The following SYDE1 variants were observed in gnomAD, a reference collection of about 807,000 sequenced individuals.
The protein encoded by SYDE1 is synapse defective Rho GTPase activating protein 1.
In SYDE1, 34 loss-of-function variants were observed where a neutral mutation model predicts 63.3. The observed-to-expected ratio is 0.54, with a 90% CI of 0.41 to 0.71. The LOEUF is 0.71. Among genes scored for constraint, SYDE1 ranks in the 30% least tolerant of loss-of-function variants. The probability of loss-of-function intolerance (pLI) is 0.00; values close to 1 mark genes in which losing one functional copy is unlikely to be tolerated. For synonymous variants in SYDE1, 467 were observed against 473.4 expected (o/e 0.99, Z 0.18); for missense variants, 925 against 1,042.5 (o/e 0.89, Z 1.55).
In SYDE1 at chr19:15,113,943, C is replaced by T; in HGVS notation, c.2188C>T (p.Gln730Ter). Reference protein sequence around the residue: ...ILDLERELSKQINVCL With the variant: ...ILDLERELSK ...GGATCTGGAGAGAGAGCTCTCCAAG[C>T]AAATCAACGTGTGCCTCTGAGCCAG... The change falls in exon 8 of 8, where the codon CAA (glutamine) becomes TAA (stop). Residue 730 changes from glutamine to a stop codon, truncating the protein, a stop_gained. Transcript: ENST00000342784. LOFTEE classifies it high-confidence loss of function. 5 of 1,612,698 alleles carry T rather than the reference C, an allele frequency of 3.1e-6. No homozygotes were observed. The highest frequency in any genetic ancestry group is 4.2e-6 in the Non-Finnish European group (5 of 1,179,090).
Position 15,112,509 on chromosome 19 carries a change from C to T in SYDE1, c.1742C>T (p.Ala581Val), listed in dbSNP as rs770897523. 16 of 1,606,274 alleles carry T rather than the reference C, an allele frequency of 1.0e-5. No individual in the cohort carries two copies. The highest frequency in any genetic ancestry group is 1.1e-5 in the South Asian group (1 of 89,394). The stretch of plus-strand genomic sequence containing the variant: ...GCCCGCAGCTCCGGCCCAGGCCTTG[C>T]CAGTGCAGTGGACTTCAAGCACCAC... ...PRARSSGPGL[A>V]SAVDFKHHIE... is the part of the protein sequence containing the mutation. The change falls in exon 7 of 8, where the codon GCC becomes GTC. Residue 581 changes from alanine to valine, a missense_variant. Physicochemically the swap from Ala to Val is moderately conservative, Grantham distance 64 (BLOSUM62 0). Around this residue, in one of 3 missense-constraint regions of SYDE1, gnomAD observed 255 missense variants for 255.9 expected, o/e 1.00. Coordinates refer to ENST00000342784, the MANE Select transcript of SYDE1 (RefSeq NM_033025.6).
chr19:15,113,015 C>T (rs2046355175), intron 7 of SYDE1, among the ~76,000 whole-genome samples: 1 of 152,150 alleles, frequency 6.6e-6, no homozygotes, highest in Non-Finnish European at 1.5e-5. Context: ...AGGGATTCTC[C>T]CACCTCAGCC....
rs765802252 is a variant in SYDE1, at chr19:15,112,561, G to C, written c.1794G>C (p.Gln598His). 25 of 1,578,632 alleles carry C rather than the reference G, an allele frequency of 1.6e-5. No homozygotes were observed. In the African/African-American group the frequency reaches 3.4e-4, roughly 21 times the overall value. The part of the protein sequence containing the change: ...HHIEVLHYLL[Q>H]SWPDPRLPRQ... ...TCGAGGTGCTGCACTACCTGCTGCA[G>C]TCTTGGCCAGGTGAGTTCATGCCCA... Residue 598 changes from glutamine to histidine, a missense_variant, in exon 7 of 8, where the codon CAG becomes CAC. This residue lies in a region of SYDE1 where 255 missense variants were observed against 255.9 expected (regional missense o/e 1.00). Transcript: ENST00000342784.
chr19:15,110,413 G>C lies in SYDE1; in HGVS notation c.1075+65G>C. The C allele has an allele frequency of 6.9e-7, 1 of 1,454,858 alleles. No individual in the cohort carries two copies. Among genetic ancestry groups the C allele is most frequent in the Middle Eastern group, 1.8e-4 (1 of 5,540 alleles). The allele number at this position is 1,454,858 out of a possible 1,614,324, so 90.1% of individuals were successfully genotyped here. ...CCAAACCCCACCGCCACCCCCCGCA[G>C]AGTGCCTAGGGGGCTGGGCTCCGGG... On this transcript the variant is annotated intron_variant, in intron 3 of 7. Coordinates refer to ENST00000342784, the MANE Select transcript of SYDE1 (RefSeq NM_033025.6). The surrounding 1 kb of genome is among the most constrained non-coding windows in gnomAD (Gnocchi z 6.9).
Position 15,109,066 on chromosome 19 carries a change from C to G in SYDE1, c.99C>G (p.Ala33=), listed in dbSNP as rs1232480338. ...CTTGCTCTCTGCCAGGCCACCCAGC[C>G]CAGCGCCCAGAGCCCAGCCCTCCAG... is the stretch of plus-strand genomic sequence containing the variant. The part of the protein sequence containing the change: ...KSDAKERGHP[A]QRPEPSPPEP... Residue 33 remains alanine (A), a synonymous_variant, in exon 2 of 8, where the codon GCC becomes GCG. Transcript: ENST00000342784. The surrounding 1 kb of genome is among the most constrained non-coding windows in gnomAD (Gnocchi z 5.0). 6.7e-7 allele frequency: 1 copy of G among 1,500,064 alleles called. No individual in the cohort carries two copies. Among genetic ancestry groups the G allele is most frequent in the Admixed American group, 2.4e-5 (1 of 42,444 alleles). The allele number at this position is 1,500,064 out of a possible 1,614,324, so 92.9% of individuals were successfully genotyped here.
chr19:15,110,422 G>C lies in SYDE1; in HGVS notation c.1075+74G>C. 1 of 1,473,016 alleles carries C rather than the reference G, an allele frequency of 6.8e-7. No individual in the cohort carries two copies. Among genetic ancestry groups the C allele is most frequent in the Non-Finnish European group, 9.0e-7 (1 of 1,108,378 alleles). 91.2% of individuals were successfully genotyped at this position (1,473,016 alleles called of 1,614,324 possible). A position where few individuals can be genotyped will look rare whatever the true frequency, so the allele number is the denominator to read the frequency against. On this transcript the variant is annotated intron_variant, in intron 3 of 7. Transcript: ENST00000342784. The surrounding 1 kb of genome is among the most constrained non-coding windows in gnomAD (Gnocchi z 6.9). ...ACCGCCACCCCCCGCAGAGTGCCTA[G>C]GGGGCTGGGCTCCGGGCGGAAGGTG...
chr19:15,113,525 C>A lies in SYDE1; in HGVS notation c.1805-35C>A, dbSNP rs757147657. On this transcript the variant is annotated intron_variant, in intron 7 of 7. Coordinates refer to ENST00000342784, the MANE Select transcript of SYDE1 (RefSeq NM_033025.6). The stretch of plus-strand genomic sequence containing the variant: ...AAGCAGCCAATCAGAGGTCGGCTGT[C>A]GCCTCTTTCTATGACCTACCCTGTC... The A allele has an allele frequency of 1.0e-5, 15 of 1,507,144 alleles. No homozygotes were observed. The African/African-American group carries it at 2.0e-4, about 20-fold the overall frequency. The allele number at this position is 1,507,144 out of a possible 1,614,324, so 93.4% of individuals were successfully genotyped here.
rs769911083 is a variant in SYDE1, at chr19:15,113,992, G to GT, written c.*30dup. 6.3e-6 allele frequency: 10 copies of GT among 1,590,720 alleles called. No individual in the cohort carries two copies. The South Asian group carries it at 1.1e-4, about 18-fold the overall frequency. On this transcript the variant is annotated 3_prime_UTR_variant, in exon 8 of 8. Coordinates refer to ENST00000342784, the MANE Select transcript of SYDE1 (RefSeq NM_033025.6). ...AGATGACGGGGTGGGACCCCGGTTA[G>GT]TAAGGACCGGGCGCCCAGTGGCTAA... is the stretch of plus-strand genomic sequence containing the variant.
chr19:15,111,908 A>G lies in SYDE1; in HGVS notation c.1578+116A>G, dbSNP rs2145328269. The G allele has an allele frequency of 9.4e-7, 1 of 1,064,664 alleles. No individual in the cohort carries two copies. The highest frequency in any genetic ancestry group is 2.6e-5 in the East Asian group (1 of 38,130). 66.0% of individuals were successfully genotyped at this position (1,064,664 alleles called of 1,614,324 possible). A position where few individuals can be genotyped will look rare whatever the true frequency, so the allele number is the denominator to read the frequency against. ...AGCTGGCAGCATCATCATATCCCCA[A>G]GAAATAGGTGCTATTAGCATCCCAC... On this transcript the variant is annotated intron_variant, in intron 6 of 7. Coordinates refer to ENST00000342784, the MANE Select transcript of SYDE1 (RefSeq NM_033025.6). The surrounding 1 kb of genome is among the most constrained non-coding windows in gnomAD (Gnocchi z 5.5).
rs950005889 is a variant in SYDE1 at position 15,114,887 on chromosome 19, G to C, written c.*924G>C. Reference sequence around the variant, plus strand: ...TAATGGTGCCTCAGTGGGCCCCAGAGTTCCAGTGGGAGAGTACGGTTCCCT... The same window carrying C: ...TAATGGTGCCTCAGTGGGCCCCAGACTTCCAGTGGGAGAGTACGGTTCCCT... On this transcript the variant is annotated 3_prime_UTR_variant, in exon 8 of 8. Transcript: ENST00000342784. The C allele has an allele frequency of 8.8e-5, 29 of 328,846 alleles. No individual in the cohort carries two copies. The highest frequency in any genetic ancestry group is 7.6e-5 in the Non-Finnish European group (13 of 170,646). The allele number at this position is 328,846 out of a possible 1,614,324, so 20.4% of individuals were successfully genotyped here.
At position 15,111,822 on chromosome 19, in the gene SYDE1, C is replaced by T. The variant is rs1266813170; in HGVS notation, c.1578+30C>T. 1 of 1,542,700 alleles carries T rather than the reference C, an allele frequency of 6.5e-7. No individual in the cohort carries two copies. Among genetic ancestry groups the T allele is most frequent in the Non-Finnish European group, 8.7e-7 (1 of 1,144,334 alleles). On this transcript the variant is annotated intron_variant, in intron 6 of 7. Coordinates refer to ENST00000342784, the MANE Select transcript of SYDE1 (RefSeq NM_033025.6). The surrounding 1 kb of genome is among the most constrained non-coding windows in gnomAD (Gnocchi z 5.5). ...GTTGGGCCTGGTGGGAGTGATGGGA[C>T]TTGAGAGTGGGCTGATACCAATAGA...
rs2145320461 is a variant in SYDE1 at position 15,108,571 on chromosome 19, C to G, written c.89-485C>G. Among the ~76,000 whole-genome samples the G allele has an allele frequency of 6.6e-6, 1 of 152,274 alleles. No homozygotes were observed. The highest frequency in any genetic ancestry group is 1.9e-4 in the East Asian group (1 of 5,178). ...GGAATAGAAAACCCAGCTCCTCACT[C>G]CTGAGCACGTAGTGCCTGCTGTGGG... On this transcript the variant is annotated intron_variant, in intron 1 of 7. Coordinates refer to ENST00000342784, the MANE Select transcript of SYDE1 (RefSeq NM_033025.6). The surrounding 1 kb of genome is among the most constrained non-coding windows in gnomAD (Gnocchi z 4.3).
rs1434565702 is a variant in SYDE1, at chr19:15,109,479, A to G, written c.430+82A>G. ...CCCTTCAGGGTAGCACCAGCCTCAC[A>G]CTCCCTCCTCCCAGAGGAGCACCAA... On this transcript the variant is annotated intron_variant, in intron 2 of 7. Transcript: ENST00000342784. This position sits in a 1 kb window ranked among gnomAD's most constrained non-coding sequence, Gnocchi z 5.0. 7.0e-7 allele frequency: 1 copy of G among 1,419,912 alleles called. No individual in the cohort carries two copies. The highest frequency in any genetic ancestry group is 2.5e-5 in the East Asian group (1 of 39,598). The allele number at this position is 1,419,912 out of a possible 1,614,324, so 88.0% of individuals were successfully genotyped here.
Position 15,110,580 on chromosome 19 carries a change from C to A in SYDE1, c.1135C>A (p.Leu379Met). The change falls in exon 4 of 8, where the codon CTG becomes ATG. Residue 379 changes from leucine (L) to methionine (M), a missense_variant. Leu to Met is a conservative substitution (Grantham distance 15, BLOSUM62 2). Coordinates refer to ENST00000342784, the MANE Select transcript of SYDE1 (RefSeq NM_033025.6). The surrounding 1 kb of genome is among the most constrained non-coding windows in gnomAD (Gnocchi z 6.9). ...GCCTCAGGGGCTGCTGTATGCCAAG[C>A]TGACCCTGTCGGAGCAGCAGGAAGC... The part of the protein sequence containing the change: ...LEPQGLLYAK[L>M]TLSEQQEAPA... 6.3e-7 allele frequency: 1 copy of A among 1,597,782 alleles called. No individual in the cohort carries two copies. Among genetic ancestry groups the A allele is most frequent in the Non-Finnish European group, 8.5e-7 (1 of 1,174,792 alleles).
Position 15,111,564 on chromosome 19 carries a change from C to T in SYDE1, c.1418-68C>T. On this transcript the variant is annotated intron_variant, in intron 5 of 7. Coordinates refer to ENST00000342784, the MANE Select transcript of SYDE1 (RefSeq NM_033025.6). This position sits in a 1 kb window ranked among gnomAD's most constrained non-coding sequence, Gnocchi z 5.5. ...TGCTTTCACCCACCTCCTCTTCCCC[C>T]TTAGCTGTGCCCTCCTTAGCCTTAG... 6.2e-7 allele frequency: 1 copy of T among 1,604,672 alleles called. No homozygotes were observed.
In SYDE1 at chr19:15,114,851, G is replaced by A; in HGVS notation, c.*888G>A. ...GCAGTTTGCAGTGCCCAGCCACCCT[G>A]AAATCCCCAATAATGGTGCCTCAGT... On this transcript the variant is annotated 3_prime_UTR_variant, in exon 8 of 8. Transcript: ENST00000342784. The A allele has an allele frequency of 3.2e-6, 1 of 311,718 alleles. No homozygotes were observed. The highest frequency in any genetic ancestry group is 6.2e-6 in the Non-Finnish European group (1 of 160,420). The allele number at this position is 311,718 out of a possible 1,614,324, so 19.3% of individuals were successfully genotyped here.
chr19:15,112,889 A>AT (rs1424726418), intron 7 of SYDE1, among the ~76,000 whole-genome samples: 1 of 151,950 alleles, frequency 6.6e-6, no homozygotes, highest in East Asian at 1.9e-4. Flanking sequence ...CACAGAGCTG[A>AT]TTCATCTTTT....
chr19:15,113,687 A>G lies in SYDE1; in HGVS notation c.1932A>G (p.Glu644=), dbSNP rs1378884555. ...GGCCCCGCGGTCGAGGAGGCCCCGA[A>G]AGCCCCCCGAGCAACCGCTACGCCG... ...VTRPRGRGGP[E]SPPSNRYAGD... Residue 644 remains glutamate (E), a synonymous_variant, in exon 8 of 8, where the codon GAA becomes GAG. Coordinates refer to ENST00000342784, the MANE Select transcript of SYDE1 (RefSeq NM_033025.6). The G allele has an allele frequency of 9.9e-6, 16 of 1,613,222 alleles. No homozygotes were observed. The Admixed American group carries it at 2.7e-4, about 27-fold the overall frequency.
chr19:15,110,586 C>A lies in SYDE1; in HGVS notation c.1141C>A (p.Leu381Met). Residue 381 changes from leucine to methionine, a missense_variant, in exon 4 of 8, where the codon CTG becomes ATG. Physicochemically the swap from Leu to Met is conservative, Grantham distance 15. Transcript: ENST00000342784. This position sits in a 1 kb window ranked among gnomAD's most constrained non-coding sequence, Gnocchi z 6.9. ...GGGGCTGCTGTATGCCAAGCTGACCCTGTCGGAGCAGCAGGAAGCCCCTGC... is the reference window on the plus strand; with the variant it reads ...GGGGCTGCTGTATGCCAAGCTGACCATGTCGGAGCAGCAGGAAGCCCCTGC... ...PQGLLYAKLT[L>M]SEQQEAPATA... 1 of 1,596,866 alleles carries A rather than the reference C, an allele frequency of 6.3e-7. No individual in the cohort carries two copies. Among genetic ancestry groups the A allele is most frequent in the East Asian group, 2.3e-5 (1 of 44,022 alleles).
Sources: allele counts gnomAD v4.1 joint callset (sites outside exome capture counted in the v4.1 genomes callset), GRCh38; gene constraint gnomAD v4.1.1; regional missense constraint gnomAD v4.1.1; non-coding constraint Gnocchi (gnomAD v3.1); transcripts MANE v1.5; gene names NCBI Gene and HGNC (gene_info 2026-07-23, HGNC 2026-07-21).